NCKAP5: variants seen among roughly 807,000 people sequenced by gnomAD.
NCKAP5 encodes NCK associated protein 5, also known as nck-associated protein 5.
Under a neutral mutation model 167.0 loss-of-function variants are expected in NCKAP5, and 92 were observed. That is an observed-to-expected ratio of 0.55 (90% CI 0.47 to 0.66). The LOEUF (loss-of-function observed/expected upper bound fraction) is 0.66. NCKAP5 is among the 30% of genes least tolerant of loss of function. The pLI is 0.00. For missense variants in NCKAP5, 2,378 were observed against 2,315.0 expected, an observed-to-expected ratio of 1.03 and a Z score of -0.56; for synonymous variants, 891 against 877.4, an observed-to-expected ratio of 1.02 and a Z score of -0.27.
At chr2:132,995,957 A>G (rs964800769) in intron 6 of NCKAP5, among the ~76,000 whole-genome samples, 1 of 152,180 alleles carries the variant, frequency 6.6e-6, no homozygotes, top group Non-Finnish European at 1.5e-5. Context: ...CTGGGCAACA[A>G]GAACAAAACT....
chr2:133,635,643 C>T, the NCKAP5 span, among the ~76,000 whole-genome samples: 1 of 152,154 alleles, frequency 6.6e-6, no homozygotes, highest in East Asian at 1.9e-4. Context: ...AATGTGTCCT[C>T]GTAACTTCTA....
chr2:133,278,237 C>T (rs1328363908), intron 4 of NCKAP5, among the ~76,000 whole-genome samples: 2 of 152,136 alleles, frequency 1.3e-5, no homozygotes, highest in Non-Finnish European at 2.9e-5. Flanking sequence ...AAGTTATCAT[C>T]CTACAGTTCT....
chr2:132,797,809 C>T (rs1391003461), intron 11 of NCKAP5, among the ~76,000 whole-genome samples: 1 of 152,174 alleles, frequency 6.6e-6, no homozygotes, highest in Non-Finnish European at 1.5e-5. Context: ...ACTACAAACT[C>T]CACTAAAATG....
chr2:133,521,325 TAGA>T (rs563941094), intron 2 of NCKAP5, among the ~76,000 whole-genome samples: 89 of 152,368 alleles, frequency 5.8e-4, no homozygotes, highest in Non-Finnish European at 1.1e-3. Flanking sequence ...GTATCACTTA[TAGA>T]AGAAGAATGT....
At chr2:133,338,533 C>T (rs973726460) in intron 3 of NCKAP5, among the ~76,000 whole-genome samples, 2 of 152,180 alleles carry the variant, frequency 1.3e-5, no homozygotes, top group African/African-American at 4.8e-5. Flanking sequence ...AAAAATAATA[C>T]AATGAGTATC....
intron 16 of NCKAP5, among the ~76,000 whole-genome samples, chr2:132,765,769 T>C (rs2104893557): frequency 6.6e-6 from 1 of 152,316 alleles, no homozygotes; most frequent in South Asian, 2.1e-4. Flanking sequence ...TATTTTTTGC[T>C]GGACATATGG....
intron 19 of NCKAP5, among the ~76,000 whole-genome samples, chr2:132,680,023 A>T (rs1182581980): frequency 6.6e-6 from 1 of 152,132 alleles, no homozygotes; most frequent in Non-Finnish European, 1.5e-5. Context: ...TGGTGAAGCT[A>T]CTTTCTAGAT....
chr2:133,547,372 C>T (rs2104925561), intron 2 of NCKAP5, among the ~76,000 whole-genome samples: 1 of 152,094 alleles, frequency 6.6e-6, no homozygotes, highest in African/African-American at 2.4e-5. Context: ...GGGTGGAGCC[C>T]ACCACAGCTC....
intron 3 of NCKAP5, among the ~76,000 whole-genome samples, chr2:133,503,100 C>T (rs1212130277): frequency 1.3e-5 from 2 of 152,206 alleles, no homozygotes; most frequent in African/African-American, 4.8e-5. Context: ...GGTTTATCCA[C>T]AGCACTTACT....
intron 4 of NCKAP5, among the ~76,000 whole-genome samples, chr2:133,289,507 C>T (rs143983181): frequency 0.03 from 4,495 of 151,934 alleles, 101 homozygotes; most frequent in South Asian, 0.071. Flanking sequence ...TTTGGGAGGC[C>T]GAGGCAGGCA....
At chr2:133,340,319 T>C (rs1312674278) in intron 3 of NCKAP5, among the ~76,000 whole-genome samples, 1 of 152,206 alleles carries the variant, frequency 6.6e-6, no homozygotes, top group African/African-American at 2.4e-5. Flanking sequence ...CTTCGTCTCC[T>C]CATCTTCAAG....
At chr2:132,763,533 C>T (rs1047573992) in intron 16 of NCKAP5, among the ~76,000 whole-genome samples, 6 of 152,208 alleles carry the variant, frequency 3.9e-5, no homozygotes. Context: ...CAGACACTGT[C>T]ATTTAATTAA....
At chr2:133,409,784 T>C (rs1450836442) in intron 3 of NCKAP5, among the ~76,000 whole-genome samples, 3 of 152,186 alleles carry the variant, frequency 2.0e-5, no homozygotes, top group African/African-American at 7.2e-5. Flanking sequence ...TGCTTTCCCA[T>C]GGGATCTGTA....
chr2:133,450,636 T>C (rs1021270444), intron 3 of NCKAP5, among the ~76,000 whole-genome samples: 6 of 152,216 alleles, frequency 3.9e-5, no homozygotes, highest in Non-Finnish European at 8.8e-5. Context: ...ACATTTTCAA[T>C]TTAACCACAC....
In NCKAP5 at chr2:133,557,384, A is replaced by G. The variant is rs1000062104; in HGVS notation, c.-62+1666T>C. Among the ~76,000 whole-genome samples, 36 of 152,194 alleles carry G rather than the reference A, an allele frequency of 2.4e-4. 1 individual carries two copies. Among genetic ancestry groups the G allele is most frequent in the South Asian group, 6.2e-4 (3 of 4,834 alleles). ...AGAGAGAGGCCAGCTTCTTGGCCAC[A>G]TTCATATTCCTGCCACCAGGACACC... On this transcript the variant is annotated intron_variant, in intron 2 of 19. Transcript: ENST00000409261.
intron 3 of NCKAP5, among the ~76,000 whole-genome samples, chr2:133,321,074 C>T (rs1245374334): frequency 2.0e-5 from 3 of 152,180 alleles, no homozygotes; most frequent in Non-Finnish European, 4.4e-5. Context: ...GTGGAGGCTC[C>T]ATCCAGTGAG....
intron 5 of NCKAP5, among the ~76,000 whole-genome samples, chr2:133,208,836 G>T (rs2086078445): frequency 1.3e-5 from 2 of 152,106 alleles, no homozygotes; most frequent in Non-Finnish European, 2.9e-5. Context: ...AGTGAGTTGA[G>T]GATCTCATTT....
intron 16 of NCKAP5, among the ~76,000 whole-genome samples, chr2:132,761,927 C>T (rs905850776): frequency 2.0e-5 from 3 of 152,094 alleles, no homozygotes; most frequent in Admixed American, 6.5e-5. Flanking sequence ...TAACTCCTGG[C>T]CAAGCATCTA....
At chr2:133,214,181 A>T (rs1419982631) in intron 4 of NCKAP5, among the ~76,000 whole-genome samples, 2 of 152,202 alleles carry the variant, frequency 1.3e-5, no homozygotes, top group Admixed American at 1.3e-4. Flanking sequence ...AGCAAACAAA[A>T]TATAACTCCT....
Sources: gnomAD v4.1 joint callset for allele counts (sites outside exome capture counted in the v4.1 genomes callset) on GRCh38, gnomAD v4.1.1 for gene constraint, MANE v1.5 for transcripts, NCBI Gene and HGNC (gene_info 2026-07-23, HGNC 2026-07-21) for gene names.